Variants in KDM4A observed in about 807,000 individuals in gnomAD.
The protein encoded by KDM4A is lysine demethylase 4A.
KDM4A carries 23 observed loss-of-function variants against 127.1 expected under a neutral mutation model. That is an observed-to-expected ratio of 0.18 (90% CI 0.13 to 0.26). The LOEUF is 0.26. Ranked by LOEUF, KDM4A falls within the 10% of genes least tolerant of loss-of-function variation. KDM4A has a pLI of 1.00. For synonymous variants in KDM4A, 443 were observed against 466.5 expected, an observed-to-expected ratio of 0.95 and a Z score of 0.65; for missense variants, 890 against 1,329.1, an observed-to-expected ratio of 0.67 and a Z score of 5.14.
intron 2 of KDM4A, among the ~76,000 whole-genome samples, chr1:43,654,983 C>T (rs999165581): frequency 9.9e-5 from 15 of 151,834 alleles, no homozygotes; most frequent in Non-Finnish European, 1.9e-4. Context: ...CCCAAATAGC[C>T]GGGATTATAG....
chr1:43,666,394 C>T, intron 6 of KDM4A, 58 bp from the exon 7 acceptor site: 2 of 1,382,308 alleles, frequency 1.4e-6, no homozygotes. Flanking sequence ...GAAGTGACTC[C>T]AGGATTGCGG....
At chr1:43,699,426 G>C (rs1661328440) in intron 19 of KDM4A, among the ~76,000 whole-genome samples, 1 of 152,080 alleles carries the variant, frequency 6.6e-6, no homozygotes, top group Admixed American at 6.6e-5. Context: ...AGCTGGTACA[G>C]TATGCCAGGC....
At chr1:43,657,740 TTTTTC>T (rs1280594894) in intron 3 of KDM4A, among the ~76,000 whole-genome samples, 4 of 145,678 alleles carry the variant, frequency 2.7e-5, no homozygotes, top group South Asian at 2.1e-4. Flanking sequence ...TTGTTAAGGC[TTTTTC>T]TTTTCTTTTT....
intron 18 of KDM4A, 96 bp from the exon 19 acceptor site, chr1:43,697,747 C>G: frequency 2.5e-6 from 3 of 1,197,268 alleles, no homozygotes; most frequent in Non-Finnish European, 3.5e-6. Flanking sequence ...CCATGCTTAT[C>G]TTTCCCTGAT....
chr1:43,684,375 C>T (rs946382279), intron 12 of KDM4A, among the ~76,000 whole-genome samples: 5 of 152,130 alleles, frequency 3.3e-5, no homozygotes, highest in East Asian at 1.9e-4. Flanking sequence ...TCATGGCACG[C>T]GCCTGTAGTC....
chr1:43,667,081 A>G lies in KDM4A; in HGVS notation c.905A>G (p.Gln302Arg). 6.2e-7 allele frequency: 1 copy of G among 1,614,186 alleles called. No homozygotes were observed. Among genetic ancestry groups the G allele is most frequent in the Non-Finnish European group, 8.5e-7 (1 of 1,180,024 alleles). ...CGTCGGTGGATTGAGTACGGCAAGC[A>G]AGCTGTGCTGGTAAGTCTGCTTGAT... ...ATRRWIEYGK[Q>R]AVLCSCRKDM... Residue 302 changes from glutamine (Q) to arginine (R), a missense_variant, in exon 8 of 22, where the codon CAA becomes CGA. Gln to Arg is a conservative substitution (Grantham distance 43). Coordinates refer to ENST00000372396, the MANE Select transcript of KDM4A (RefSeq NM_014663.3).
intron 11 of KDM4A, among the ~76,000 whole-genome samples, chr1:43,679,545 G>A (rs1238640216): frequency 4.6e-5 from 7 of 152,136 alleles, no homozygotes; most frequent in Non-Finnish European, 4.4e-5. Context: ...TCCCCAAGCT[G>A]TAATCTGGGC....
chr1:43,703,955 G>A (rs1312763894), intron 20 of KDM4A, 65 bp from the exon 21 acceptor site: 2 of 1,435,026 alleles, frequency 1.4e-6, no homozygotes, highest in Admixed American at 1.7e-5. Context: ...GACTGCCACT[G>A]TGCATGGTGG....
At chr1:43,651,053 A>G (rs1660104452) in intron 1 of KDM4A, among the ~76,000 whole-genome samples, 1 of 152,208 alleles carries the variant, frequency 6.6e-6, no homozygotes, top group African/African-American at 2.4e-5. Context: ...TGTGCCATGC[A>G]TTGTTCTAGG....
chr1:43,688,594 T>C lies in KDM4A; in HGVS notation c.1856-320T>C, dbSNP rs1661041140. 6.6e-6 allele frequency among the ~76,000 whole-genome samples: 1 copy of C among 152,164 alleles called. No homozygotes were observed. Among genetic ancestry groups the C allele is most frequent in the Non-Finnish European group, 1.5e-5 (1 of 68,018 alleles). The stretch of plus-strand genomic sequence containing the variant: ...AAGATGGTGCTTCATTCTGCTGTCC[T>C]TGGGCAGAAGGGCTGAATGTGGCAG... On this transcript the variant is annotated intron_variant, in intron 12 of 21. Coordinates refer to ENST00000372396, the MANE Select transcript of KDM4A (RefSeq NM_014663.3). The surrounding 1 kb of genome is among the most constrained non-coding windows in gnomAD (Gnocchi z 4.4).
chr1:43,683,696 T>C lies in KDM4A; in HGVS notation c.1747T>C (p.Tyr583His). The C allele has an allele frequency of 6.2e-7, 1 of 1,613,626 alleles. No homozygotes were observed. The highest frequency in any genetic ancestry group is 8.5e-7 in the Non-Finnish European group (1 of 1,179,820). Residue 583 changes from tyrosine (Y) to histidine (H), a missense_variant, in exon 12 of 22, where the codon TAC becomes CAC. Around this residue, in one of 7 missense-constraint regions of KDM4A, gnomAD observed 389 missense variants for 485.9 expected, o/e 0.80. Transcript: ENST00000372396. ...ERELAEVADEYMFSLEENKKS... is the reference protein window; with the variant it reads ...ERELAEVADEHMFSLEENKKS... ...GTGGTTTGCCCAGGTTGCAGATGAA[T>C]ACATGTTTTCCCTAGAAGAGAATAA...
At position 43,692,305 on chromosome 1, in the gene KDM4A, A is replaced by G. The variant is rs1661136091; in HGVS notation, c.2369A>G (p.Asp790Gly). 1 of 1,613,860 alleles carries G rather than the reference A, an allele frequency of 6.2e-7. No individual in the cohort carries two copies. The highest frequency in any genetic ancestry group is 1.7e-5 in the Admixed American group (1 of 60,006). ...LRGGALQRANDDRWVHVSCAV... is the reference protein window; with the variant it reads ...LRGGALQRANGDRWVHVSCAV... Reference sequence around the variant, plus strand: ...GGAGGGGCCCTGCAGAGAGCAAATGATGACAGGTAAGTTTCCTGAGCAGTG... The same window carrying G: ...GGAGGGGCCCTGCAGAGAGCAAATGGTGACAGGTAAGTTTCCTGAGCAGTG... Residue 790 changes from aspartate (D) to glycine (G), a missense_variant, in exon 16 of 22, where the codon GAT becomes GGT. Transcript: ENST00000372396.
rs1000644037 is a variant in KDM4A at position 43,655,531 on chromosome 1, G to C, written c.139-60G>C. On this transcript the variant is annotated intron_variant, in intron 2 of 21. Coordinates refer to ENST00000372396, the MANE Select transcript of KDM4A (RefSeq NM_014663.3). ...GTTGGCTGGTAACTACATGCTTCCTGGACTCTGACTGGCTTGCCAGGTTTC... is the reference window on the plus strand; with the variant it reads ...GTTGGCTGGTAACTACATGCTTCCTCGACTCTGACTGGCTTGCCAGGTTTC... 3.4e-6 allele frequency: 5 copies of C among 1,462,984 alleles called. No individual in the cohort carries two copies. In the South Asian group the frequency reaches 6.6e-5, roughly 19 times the overall value. 90.6% of individuals were successfully genotyped at this position (1,462,984 alleles called of 1,614,324 possible).
Position 43,663,013 on chromosome 1 carries a change from A to T in KDM4A, c.549A>T (p.Thr183=). Residue 183 remains threonine, a synonymous_variant, in exon 5 of 22, where the codon ACA becomes ACT. Coordinates refer to ENST00000372396, the MANE Select transcript of KDM4A (RefSeq NM_014663.3). The part of the protein sequence containing the change: ...TPYLYFGMWK[T]SFAWHTEDMD... ...ACCTGTACTTTGGCATGTGGAAGAC[A>T]TCCTTTGCTTGGCACACTGAAGACA... is the stretch of plus-strand genomic sequence containing the variant. 6.2e-7 allele frequency: 1 copy of T among 1,614,220 alleles called. No individual in the cohort carries two copies. Among genetic ancestry groups the T allele is most frequent in the Non-Finnish European group, 8.5e-7 (1 of 1,180,026 alleles).
At chr1:43,697,816 G>T (rs753065266) in intron 18 of KDM4A, 27 bp from the exon 19 acceptor site, 3 of 1,603,368 alleles carry the variant, frequency 1.9e-6, no homozygotes, top group Non-Finnish European at 2.6e-6. Context: ...CCACGTGTGA[G>T]TAACCAAAGC....
At chr1:43,671,306 TCTC>T (rs1660613035) in intron 10 of KDM4A, among the ~76,000 whole-genome samples, 196 bp from the exon 11 acceptor site, 2 of 152,138 alleles carry the variant, frequency 1.3e-5, no homozygotes, top group Middle Eastern at 3.2e-3. Context: ...AGTAGCATCT[TCTC>T]ATTACAGAGG....
At chr1:43,666,181 A>T in intron 6 of KDM4A, 1 of 440,406 alleles carries the variant, frequency 2.3e-6, no homozygotes. Context: ...GGTCCTAAAT[A>T]GTTTCAAAGC....
chr1:43,676,614 C>T (rs928152048), intron 11 of KDM4A, among the ~76,000 whole-genome samples: 6 of 152,192 alleles, frequency 3.9e-5, no homozygotes, highest in Non-Finnish European at 7.3e-5. Flanking sequence ...CCACCATTCT[C>T]GGCCAAACCC....
At chr1:43,668,481 G>T (rs1224914429) in intron 9 of KDM4A, among the ~76,000 whole-genome samples, 2 of 152,152 alleles carry the variant, frequency 1.3e-5, no homozygotes, top group Non-Finnish European at 2.9e-5. Flanking sequence ...CTTGGTAAAG[G>T]CTCCAGAAAC....
Sources: allele counts gnomAD v4.1 joint callset (sites outside exome capture counted in the v4.1 genomes callset), GRCh38; gene constraint gnomAD v4.1.1; regional missense constraint gnomAD v4.1.1; non-coding constraint Gnocchi (gnomAD v3.1); transcripts MANE v1.5; gene names NCBI Gene and HGNC (gene_info 2026-07-23, HGNC 2026-07-21).